The following GAREM1 variants were observed in gnomAD, a reference collection of about 807,000 sequenced individuals.
GAREM1 encodes GRB2 associated regulator of MAPK1 subtype 1.
In GAREM1, 26 loss-of-function variants were observed where a neutral mutation model predicts 71.3. The observed-to-expected ratio is 0.36, with a 90% confidence interval of 0.27 to 0.51. The LOEUF (loss-of-function observed/expected upper bound fraction) is 0.51. Ranked by LOEUF, GAREM1 falls within the 20% of genes least tolerant of loss-of-function variation. The pLI, the probability that GAREM1 is intolerant of heterozygous loss-of-function variation, is 0.95. For synonymous variants in GAREM1, 440 were observed against 433.2 expected (o/e 1.02, Z -0.20); for missense variants, 1,026 against 1,103.1 (o/e 0.93, Z 0.99).
Position 32,467,244 on chromosome 18 carries a change from G to T in GAREM1, c.121+3064C>A, listed in dbSNP as rs549660299. Among the ~76,000 whole-genome samples the T allele has an allele frequency of 7.9e-5, 12 of 152,248 alleles. No individual in the cohort carries two copies. In the East Asian group the frequency reaches 2.3e-3, roughly 29 times the overall value. ...TTGGCAAGCAGAAAGTTGTATGTATGATGGATGAGGCCAGCACTTAATTTG... is the reference window on the plus strand; with the variant it reads ...TTGGCAAGCAGAAAGTTGTATGTATTATGGATGAGGCCAGCACTTAATTTG... On this transcript the variant is annotated intron_variant, in intron 1 of 5. Coordinates refer to ENST00000269209, the MANE Select transcript of GAREM1 (RefSeq NM_001242409.2).
intron 1 of GAREM1, among the ~76,000 whole-genome samples, chr18:32,457,052 T>TA (rs1599061878): frequency 6.6e-6 from 1 of 151,900 alleles, no homozygotes; most frequent in East Asian, 1.9e-4. Context: ...ACTGGACTGT[T>TA]AGAGTGGATT....
intron 1 of GAREM1, among the ~76,000 whole-genome samples, chr18:32,401,438 A>G (rs2048314903): frequency 6.7e-6 from 1 of 149,394 alleles, no homozygotes; most frequent in African/African-American, 2.5e-5. Flanking sequence ...GTTCCAGATA[A>G]TGGTCTTAAA....
At chr18:32,406,363 T>C (rs1357153988) in intron 1 of GAREM1, among the ~76,000 whole-genome samples, 3 of 152,110 alleles carry the variant, frequency 2.0e-5, no homozygotes, top group African/African-American at 7.2e-5. Flanking sequence ...AATGATGTCC[T>C]AGTTGTTTTA....
rs183062345 is a variant in GAREM1, at chr18:32,265,950, G to T, written c.*1921C>A. Reference sequence around the variant, plus strand: ...GGAGGCAGTCCCCCTCACACAGAAGGATGCTTTCAAAACACGAAAGCTTCA... The same window carrying T: ...GGAGGCAGTCCCCCTCACACAGAAGTATGCTTTCAAAACACGAAAGCTTCA... On this transcript the variant is annotated 3_prime_UTR_variant, in exon 6 of 6. Transcript: ENST00000269209. 4.9e-4 allele frequency: 75 copies of T among 152,302 alleles called. No homozygotes were observed. The highest frequency in any genetic ancestry group is 1.8e-3 in the African/African-American group (74 of 41,574). 9.4% of individuals were successfully genotyped at this position (152,302 alleles called of 1,614,324 possible).
At chr18:32,381,022 T>G (rs8098139) in intron 2 of GAREM1, among the ~76,000 whole-genome samples, 45 of 151,924 alleles carry the variant, frequency 3.0e-4, no homozygotes, top group African/African-American at 1.0e-3. Context: ...AAAGAATTCC[T>G]CCTACTAGAT....
intron 1 of GAREM1, among the ~76,000 whole-genome samples, chr18:32,456,336 AAG>A (rs1473396541): frequency 6.6e-6 from 1 of 152,122 alleles, no homozygotes; most frequent in East Asian, 1.9e-4. Context: ...TATATATAAA[AAG>A]AGAGCCCTCA....
intron 1 of GAREM1, among the ~76,000 whole-genome samples, chr18:32,442,719 A>G (rs1270329183): frequency 1.3e-5 from 2 of 152,162 alleles, no homozygotes; most frequent in African/African-American, 4.8e-5. Flanking sequence ...CCCTCTACTC[A>G]GTAGCTTTGT....
At chr18:32,409,367 G>A (rs1418202427) in intron 1 of GAREM1, among the ~76,000 whole-genome samples, 1 of 152,020 alleles carries the variant, frequency 6.6e-6, no homozygotes, top group African/African-American at 2.4e-5. Context: ...CTATTTTTGG[G>A]TGAGTACTTT....
chr18:32,350,873 G>GTTTAA (rs1280072350), intron 2 of GAREM1, among the ~76,000 whole-genome samples: 1 of 152,122 alleles, frequency 6.6e-6, no homozygotes, highest in East Asian at 1.9e-4. Flanking sequence ...AAAGCATGAT[G>GTTTAA]TTTAAACAAA....
At chr18:32,390,597 G>A (rs2048186543) in intron 2 of GAREM1, among the ~76,000 whole-genome samples, 1 of 152,130 alleles carries the variant, frequency 6.6e-6, no homozygotes, top group Admixed American at 6.5e-5. Flanking sequence ...TGTATCATTT[G>A]CAACATAATC....
intron 1 of GAREM1, among the ~76,000 whole-genome samples, chr18:32,439,554 T>C (rs1264303525): frequency 1.3e-5 from 2 of 152,084 alleles, no homozygotes; most frequent in African/African-American, 2.4e-5. Context: ...ACCCTGCAGG[T>C]TGGACCTTAT....
intron 4 of GAREM1, among the ~76,000 whole-genome samples, chr18:32,284,663 G>A (rs886319907): frequency 3.3e-5 from 5 of 152,004 alleles, no homozygotes; most frequent in Non-Finnish European, 7.4e-5. Flanking sequence ...GAAGGTCAGA[G>A]CCCCAACCTT....
intron 1 of GAREM1, among the ~76,000 whole-genome samples, chr18:32,439,531 T>C (rs540179255): frequency 2.6e-5 from 4 of 152,226 alleles, no homozygotes; most frequent in Admixed American, 2.0e-4. Flanking sequence ...CAAGAGAACA[T>C]AGCAGATTGA....
At chr18:32,286,922 T>G in intron 4 of GAREM1, 109 bp downstream of exon 4, 1 of 772,224 alleles carries the variant, frequency 1.3e-6, no homozygotes, top group East Asian at 2.5e-5. Context: ...TAAACAAATT[T>G]GCTCACTCTG....
At chr18:32,447,344 T>C (rs1419413168) in intron 1 of GAREM1, among the ~76,000 whole-genome samples, 1 of 152,180 alleles carries the variant, frequency 6.6e-6, no homozygotes, top group Non-Finnish European at 1.5e-5. Flanking sequence ...AACATTCAAC[T>C]AAATTCTCTA....
chr18:32,267,492 CAA>C lies in GAREM1; in HGVS notation c.*377_*378del, dbSNP rs1312999994. 7.0e-6 allele frequency: 1 copy of C among 143,198 alleles called. No homozygotes were observed. Among genetic ancestry groups the C allele is most frequent in the African/African-American group, 3.1e-5 (1 of 31,962 alleles). The allele number at this position is 143,198 out of a possible 1,614,324, so 8.9% of individuals were successfully genotyped here. On this transcript the variant is annotated 3_prime_UTR_variant, in exon 6 of 6. Transcript: ENST00000269209. ...ACCCTCCTGAAAGAAGGGACTTGTT[CAA>C]AAGTGTTTTTTTTTTTTTTTTAAAG... is the stretch of plus-strand genomic sequence containing the variant.
chr18:32,470,150 C>G lies in GAREM1; in HGVS notation c.121+158G>C. The G allele has an allele frequency of 1.2e-6, 1 of 863,970 alleles. No homozygotes were observed. 53.5% of individuals were successfully genotyped at this position (863,970 alleles called of 1,614,324 possible). ...GTCTGCTGCTGGGGGGAGTTGAGAG[C>G]AACGCGCCAGGGCTGCGGCAGCCGC... is the stretch of plus-strand genomic sequence containing the variant. On this transcript the variant is annotated intron_variant, in intron 1 of 5. Coordinates refer to ENST00000269209, the MANE Select transcript of GAREM1 (RefSeq NM_001242409.2). The surrounding 1 kb of genome is among the most constrained non-coding windows in gnomAD (Gnocchi z 4.4).
intron 1 of GAREM1, among the ~76,000 whole-genome samples, chr18:32,448,042 G>C (rs2048800608): frequency 6.6e-6 from 1 of 152,134 alleles, no homozygotes; most frequent in South Asian, 2.1e-4. Context: ...TAAATATATG[G>C]ACATAGATAA....
At chr18:32,437,209 T>G (rs891671295) in intron 1 of GAREM1, among the ~76,000 whole-genome samples, 17 of 152,182 alleles carry the variant, frequency 1.1e-4, no homozygotes, top group African/African-American at 4.1e-4. Context: ...GGGCTTTAGC[T>G]GTTATTTCAC....
Sources: gnomAD v4.1 joint callset for allele counts (sites outside exome capture counted in the v4.1 genomes callset) on GRCh38, gnomAD v4.1.1 for gene constraint, Gnocchi (gnomAD v3.1) non-coding constraint, MANE v1.5 for transcripts, NCBI Gene and HGNC (gene_info 2026-07-23, HGNC 2026-07-21) for gene names.